Variants in CGN observed in about 807,000 individuals in gnomAD.
CGN encodes the protein cingulin.
In CGN, 121 loss-of-function variants were observed where a neutral mutation model predicts 157.1. The observed-to-expected ratio is 0.77, with a 90% CI of 0.66 to 0.90. The LOEUF (loss-of-function observed/expected upper bound fraction) is 0.90, where lower values mean the gene tolerates loss of function less well. CGN is among the 40% of genes least tolerant of loss of function. CGN has a pLI of 0.00. For missense variants in CGN, 1,424 were observed against 1,520.9 expected (o/e 0.94, Z 1.06); for synonymous variants, 535 against 607.5 (o/e 0.88, Z 1.76).
intron 5 of CGN, among the ~76,000 whole-genome samples, chr1:151,521,955 G>T (rs1319652193): frequency 6.6e-6 from 1 of 152,248 alleles, no homozygotes; most frequent in Admixed American, 6.5e-5. Flanking sequence ...GTGGCCAAAA[G>T]AAGTAAATTG....
At chr1:151,518,202 A>G (rs1413967261) in intron 1 of CGN, among the ~76,000 whole-genome samples, 1 of 152,182 alleles carries the variant, frequency 6.6e-6, no homozygotes, top group Non-Finnish European at 1.5e-5. Context: ...GCTGTATCAG[A>G]GGAAGTGGAT....
chr1:151,532,899 A>C (rs1664872731), intron 14 of CGN, among the ~76,000 whole-genome samples: 1 of 151,980 alleles, frequency 6.6e-6, no homozygotes, highest in Non-Finnish European at 1.5e-5. Flanking sequence ...GATAACAGGC[A>C]TGAGCCACTG....
Position 151,529,110 on chromosome 1 carries a change from C to T in CGN, c.1897-240C>T, listed in dbSNP as rs946463462. On this transcript the variant is annotated intron_variant, in intron 10 of 20. Coordinates refer to ENST00000271636, the MANE Select transcript of CGN (RefSeq NM_020770.3). ...AATGAATAATGCTACTATGAACATT[C>T]GCGTATAAGTTTTTTTGTGAACACA... Among the ~76,000 whole-genome samples the T allele has an allele frequency of 5.3e-5, 8 of 152,232 alleles. 1 individual carries two copies. The highest frequency in any genetic ancestry group is 1.9e-4 in the East Asian group (1 of 5,180).
In CGN at chr1:151,523,404, T is replaced by C. The variant is rs374905691; in HGVS notation, c.1141-30T>C. ...TTTCTGAGAGGCTTTCCCTACCCTC[T>C]ACCTGCTGTACTCTCATTCCCTTTT... On this transcript the variant is annotated intron_variant, in intron 5 of 20. Coordinates refer to ENST00000271636, the MANE Select transcript of CGN (RefSeq NM_020770.3). 2.5e-6 allele frequency: 4 copies of C among 1,579,480 alleles called. No homozygotes were observed. The African/African-American group carries it at 5.4e-5, about 21-fold the overall frequency.
Position 151,514,255 on chromosome 1 carries a change from A to G in CGN, c.-15+2740A>G, listed in dbSNP as rs555442010. Among the ~76,000 whole-genome samples, 3 of 152,286 alleles carry G rather than the reference A, an allele frequency of 2.0e-5. No individual in the cohort carries two copies. The South Asian group carries it at 6.2e-4, about 32-fold the overall frequency. On this transcript the variant is annotated intron_variant, in intron 1 of 20. Coordinates refer to ENST00000271636, the MANE Select transcript of CGN (RefSeq NM_020770.3). ...GTTCAACACTGCCTCTGAATAATTT[A>G]GTGCTGTTGCTCAAGGGTCTGTGCC...
intron 14 of CGN, among the ~76,000 whole-genome samples, chr1:151,533,405 G>T (rs937091891): frequency 6.6e-6 from 1 of 152,034 alleles, no homozygotes; most frequent in Non-Finnish European, 1.5e-5. Context: ...GAACCTGGGA[G>T]GTGGAGGTTG....
At position 151,538,556 on chromosome 1, in the gene CGN, T is replaced by A. The variant is rs751795682; in HGVS notation, c.*1210T>A. The A allele has an allele frequency of 2.0e-5, 3 of 152,236 alleles. No individual in the cohort carries two copies. The highest frequency in any genetic ancestry group is 2.0e-4 in the Admixed American group (3 of 15,286). The allele number at this position is 152,236 out of a possible 1,614,324, so 9.4% of individuals were successfully genotyped here. On this transcript the variant is annotated 3_prime_UTR_variant, in exon 21 of 21. Coordinates refer to ENST00000271636, the MANE Select transcript of CGN (RefSeq NM_020770.3). ...AGGGAGCCGGTGGCAGGAGGAAGGC[T>A]GTTTTCACAAATGACTTGTAATGTC... is the stretch of plus-strand genomic sequence containing the variant.
At position 151,537,264 on chromosome 1, in the gene CGN, A is replaced by G. The variant is rs535976236; in HGVS notation, c.3530A>G (p.Asp1177Gly). 167 of 1,614,130 alleles carry G rather than the reference A, an allele frequency of 1.0e-4. No individual in the cohort carries two copies. The highest frequency in any genetic ancestry group is 1.7e-4 in the Admixed American group (10 of 60,022). The change falls in exon 21 of 21, where the codon GAT (aspartate) becomes GGT (glycine). Residue 1177 changes from aspartate to glycine, a missense_variant. Physicochemically the swap from Asp to Gly is moderately conservative, Grantham distance 94. Around this residue, in one of 3 missense-constraint regions of CGN, gnomAD observed 199 missense variants for 272.2 expected, o/e 0.73. Transcript: ENST00000271636. ...SALKNEGLSS[D>G]EEFDSVYDPS... is the part of the protein sequence containing the mutation. Reference sequence around the variant, plus strand: ...CTCAAAAACGAAGGGCTGAGCTCAGATGAGGAATTCGACAGTGTCTACGAT... The same window carrying G: ...CTCAAAAACGAAGGGCTGAGCTCAGGTGAGGAATTCGACAGTGTCTACGAT...
chr1:151,534,025 A>G lies in CGN; in HGVS notation c.2793A>G (p.Thr931=). ...ALQASQAERD[T]ARLDKELLAQ... is the part of the protein sequence containing the mutation. ...AGGCATCCCAGGCTGAGCGGGACAC[A>G]GCCCGGCTGGACAAAGAGCTACTGG... Residue 931 remains threonine (T), a synonymous_variant, in exon 15 of 21, where the codon ACA becomes ACG. Coordinates refer to ENST00000271636, the MANE Select transcript of CGN (RefSeq NM_020770.3). 1 of 1,613,488 alleles carries G rather than the reference A, an allele frequency of 6.2e-7. No homozygotes were observed. Among genetic ancestry groups the G allele is most frequent in the Non-Finnish European group, 8.5e-7 (1 of 1,179,932 alleles).
rs749418005 is a variant in CGN, at chr1:151,529,352, G to A, written c.1899G>A (p.Glu633=). 6.2e-7 allele frequency: 1 copy of A among 1,613,050 alleles called. No homozygotes were observed. The highest frequency in any genetic ancestry group is 1.7e-5 in the Admixed American group (1 of 59,968). Residue 633 remains glutamate, a splice_region_variant and synonymous_variant, in exon 11 of 21, where the codon GAG becomes GAA. Transcript: ENST00000271636. ...DTRQVEVLKK[E]LLRTQEELKE... is the part of the protein sequence containing the mutation. ...TCACCATTCCCGTTTCCTTCCAGGA[G>A]CTGCTCCGGACACAGGAGGAGCTTA... is the stretch of plus-strand genomic sequence containing the variant.
chr1:151,529,094 T>C (rs1664765753), intron 10 of CGN, among the ~76,000 whole-genome samples: 1 of 152,214 alleles, frequency 6.6e-6, no homozygotes, highest in Non-Finnish European at 1.5e-5. Flanking sequence ...TAATGAATAA[T>C]GCTACTATGA....
chr1:151,521,804 C>T (rs1273314144), intron 5 of CGN, among the ~76,000 whole-genome samples: 1 of 152,192 alleles, frequency 6.6e-6, no homozygotes, highest in African/African-American at 2.4e-5. Context: ...TGCCATTGCA[C>T]TCCAGCCTGG....
chr1:151,520,132 T>G, intron 2 of CGN, 34 bp from the exon 3 acceptor site: 1 of 1,525,078 alleles, frequency 6.6e-7, no homozygotes, highest in Non-Finnish European at 8.9e-7. Context: ...CTTTCTTTCT[T>G]TCTTTTTTTT....
At chr1:151,516,128 C>T (rs115211736) in intron 1 of CGN, among the ~76,000 whole-genome samples, 6 of 152,212 alleles carry the variant, frequency 3.9e-5, no homozygotes, top group African/African-American at 1.4e-4. Context: ...AGCCCTTTGT[C>T]ACCTGTAGCT....
intron 1 of CGN, among the ~76,000 whole-genome samples, chr1:151,516,598 A>C (rs1664417977): frequency 6.7e-6 from 1 of 149,762 alleles, no homozygotes; most frequent in Admixed American, 6.7e-5. Flanking sequence ...GCTGGAGTGC[A>C]ATGGCGTGAT....
rs751426343 is a variant in CGN, at chr1:151,525,710, G to T, written c.1683G>T (p.Leu561=). Residue 561 remains leucine, a synonymous_variant, in exon 9 of 21, where the codon CTG becomes CTT. Transcript: ENST00000271636. ...SALVRGLQRE[L]EETSEETGHW... is the part of the protein sequence containing the mutation. ...TTGTGCGAGGGCTGCAGAGGGAGCT[G>T]GAGGAGACTTCAGAGGAGACAGGGC... The T allele has an allele frequency of 1.1e-5, 17 of 1,612,436 alleles. No individual in the cohort carries two copies. The highest frequency in any genetic ancestry group is 1.4e-5 in the Non-Finnish European group (16 of 1,179,236).
Position 151,533,988 on chromosome 1 carries a change from G to C in CGN, c.2756G>C (p.Arg919Pro), listed in dbSNP as rs779543779. Residue 919 changes from arginine to proline, a missense_variant, in exon 15 of 21, where the codon CGG becomes CCG. Arg to Pro is a moderately radical substitution (Grantham distance 103, BLOSUM62 -2). This residue lies in a region of CGN where 1,187 missense variants were observed against 1,217.6 expected (regional missense o/e 0.97). Transcript: ENST00000271636. ...SRLQDEIQRL[R>P]QALQASQAER... ...CCCCCTGCCCAGATCCAGAGGCTGC[G>C]GCAGGCCCTGCAGGCATCCCAGGCT... 11 of 1,608,752 alleles carry C rather than the reference G, an allele frequency of 6.8e-6. No individual in the cohort carries two copies. The African/African-American group carries it at 1.2e-4, about 18-fold the overall frequency.
At chr1:151,522,497 C>T (rs996216402) in intron 5 of CGN, among the ~76,000 whole-genome samples, 5 of 151,364 alleles carry the variant, frequency 3.3e-5, no homozygotes, top group Non-Finnish European at 7.4e-5. Context: ...TGGTGGCAGG[C>T]ATCTGTAATC....
At position 151,524,267 on chromosome 1, in the gene CGN, T is replaced by G; in HGVS notation, c.1310T>G (p.Leu437Ter). The G allele has an allele frequency of 6.2e-7, 1 of 1,614,200 alleles. No homozygotes were observed. Among genetic ancestry groups the G allele is most frequent in the Non-Finnish European group, 8.5e-7 (1 of 1,180,030 alleles). The change falls in exon 7 of 21, where the codon TTA (leucine) becomes TGA (stop). Residue 437 changes from leucine (L) to a stop codon, truncating the protein, a stop_gained. Transcript: ENST00000271636. LOFTEE classifies it high-confidence loss of function. The surrounding 1 kb of genome is among the most constrained non-coding windows in gnomAD (Gnocchi z 4.4). ...CGCCTCTTGGACCAGGGTGAAGATTTACGACATGGGCTGGAGACCCAGGTG... is the reference window on the plus strand; with the variant it reads ...CGCCTCTTGGACCAGGGTGAAGATTGACGACATGGGCTGGAGACCCAGGTG... ...MKRLLDQGEDLRHGLETQVME... is the reference protein window; with the variant it reads ...MKRLLDQGED
Sources: gnomAD v4.1 joint callset for allele counts (sites outside exome capture counted in the v4.1 genomes callset) on GRCh38, gnomAD v4.1.1 for gene constraint, gnomAD v4.1.1 regional missense constraint, Gnocchi (gnomAD v3.1) non-coding constraint, MANE v1.5 for transcripts, NCBI Gene and HGNC (gene_info 2026-07-23, HGNC 2026-07-21) for gene names.